SFRP1: variants seen among roughly 807,000 people sequenced by gnomAD.
SFRP1 encodes secreted frizzled related protein 1, also known as secreted frizzled-related protein 1.
In SFRP1, 9 loss-of-function variants were observed where a neutral mutation model predicts 25.9. The observed-to-expected ratio is 0.35, with a 90% CI of 0.21 to 0.61. The LOEUF is 0.61. Ranked by LOEUF, SFRP1 falls within the 20% of genes least tolerant of loss-of-function variation. The pLI, the probability that SFRP1 is intolerant of heterozygous loss-of-function variation, is 0.78. For synonymous variants in SFRP1, 178 were observed against 174.0 expected (o/e 1.02, Z -0.18); for missense variants, 346 against 418.2 (o/e 0.83, Z 1.51).
Position 41,261,970 on chromosome 8 carries a change from T to C in SFRP1, c.*3197A>G, listed in dbSNP as rs974942259. 1.3e-5 allele frequency: 2 copies of C among 152,224 alleles called. No homozygotes were observed. Among genetic ancestry groups the C allele is most frequent in the Admixed American group, 1.3e-4 (2 of 15,284 alleles). The allele number at this position is 152,224 out of a possible 1,614,324, so 9.4% of individuals were successfully genotyped here. A position where few individuals can be genotyped will look rare whatever the true frequency, so the allele number is the denominator to read the frequency against. ...CACAGCTCACAGTATCATTGATTAA[T>C]TGAGTGATTTTAGTCAAGTGAATAT... On this transcript the variant is annotated 3_prime_UTR_variant, in exon 3 of 3. Transcript: ENST00000220772.
intron 2 of SFRP1, among the ~76,000 whole-genome samples, chr8:41,299,587 G>GGTCAGGAGTT (rs1242257375): frequency 2.1e-4 from 27 of 130,786 alleles, no homozygotes; most frequent in South Asian, 2.5e-4. Flanking sequence ...GATCGCTTGA[G>GGTCAGGAGTT]CCCGGGGGGC....
At chr8:41,302,616 T>A (rs1010215714) in intron 2 of SFRP1, among the ~76,000 whole-genome samples, 2 of 152,188 alleles carry the variant, frequency 1.3e-5, no homozygotes, top group African/African-American at 4.8e-5. Flanking sequence ...CTTCTCTGCA[T>A]CCATGTCAGA....
intron 2 of SFRP1, among the ~76,000 whole-genome samples, chr8:41,280,063 G>A (rs1008493094): frequency 1.3e-5 from 2 of 152,202 alleles, no homozygotes; most frequent in African/African-American, 4.8e-5. Flanking sequence ...CGGGCACGAG[G>A]TCCAGTCTGA....
intron 2 of SFRP1, among the ~76,000 whole-genome samples, chr8:41,296,507 A>G (rs1486662867): frequency 4.3e-5 from 4 of 93,584 alleles, no homozygotes; most frequent in Non-Finnish European, 5.9e-5. Context: ...GTTCTTCTGG[A>G]AAAAAAAAAA....
At position 41,273,898 on chromosome 8, in the gene SFRP1, C is replaced by T. The variant is rs141650177; in HGVS notation, c.623-8409G>A. Among the ~76,000 whole-genome samples, 224 of 152,208 alleles carry T rather than the reference C, an allele frequency of 1.5e-3. 1 individual carries two copies. Among genetic ancestry groups the T allele is most frequent in the African/African-American group, 5.2e-3 (214 of 41,536 alleles). ...TGGGCTGGCACCACCCAATCAGCTG[C>T]GAGGGCAGTCAGAATAAAGCAAGGA... On this transcript the variant is annotated intron_variant, in intron 2 of 2. Coordinates refer to ENST00000220772, the MANE Select transcript of SFRP1 (RefSeq NM_003012.5).
At chr8:41,298,356 T>C (rs1248609061) in intron 2 of SFRP1, 3 of 152,224 alleles carry the variant, frequency 2.0e-5, no homozygotes, top group Non-Finnish European at 4.4e-5. Context: ...GAAGACTAGA[T>C]TTGGAACATT....
At chr8:41,285,747 A>G (rs1424718778) in intron 2 of SFRP1, among the ~76,000 whole-genome samples, 1 of 152,124 alleles carries the variant, frequency 6.6e-6, no homozygotes, top group African/African-American at 2.4e-5. Flanking sequence ...CCTCCTCTGA[A>G]GAGCATTCTG....
At chr8:41,293,275 T>C (rs138274590) in intron 2 of SFRP1, among the ~76,000 whole-genome samples, 2 of 152,154 alleles carry the variant, frequency 1.3e-5, no homozygotes, top group Non-Finnish European at 2.9e-5. Context: ...TCGTCACCCT[T>C]TGAGCTGGGT....
rs1803411270 is a variant in SFRP1 at position 41,264,545 on chromosome 8, A to G, written c.*622T>C. The stretch of plus-strand genomic sequence containing the variant: ...GATTCAAAGACAATCACACGGAAAG[A>G]CTGTGGGCAGAGAAGGCAATGCCTC... On this transcript the variant is annotated 3_prime_UTR_variant, in exon 3 of 3. Transcript: ENST00000220772. 6.6e-6 allele frequency: 1 copy of G among 152,254 alleles called. No individual in the cohort carries two copies. The highest frequency in any genetic ancestry group is 2.4e-5 in the African/African-American group (1 of 41,438). 9.4% of individuals were successfully genotyped at this position (152,254 alleles called of 1,614,324 possible).
intron 2 of SFRP1, among the ~76,000 whole-genome samples, chr8:41,266,535 A>C (rs1803437786): frequency 6.6e-6 from 1 of 151,786 alleles, no homozygotes; most frequent in African/African-American, 2.4e-5. Context: ...TCCCGGGCTC[A>C]AGCAATTCTC....
chr8:41,292,085 C>T (rs186098776), intron 2 of SFRP1, among the ~76,000 whole-genome samples: 5 of 152,184 alleles, frequency 3.3e-5, no homozygotes, highest in South Asian at 2.1e-4. Context: ...ACACCCCAGG[C>T]AGAATTACAC....
At position 41,262,979 on chromosome 8, in the gene SFRP1, G is replaced by C. The variant is rs1029077872; in HGVS notation, c.*2188C>G. The C allele has an allele frequency of 6.6e-6, 1 of 152,254 alleles. No homozygotes were observed. The highest frequency in any genetic ancestry group is 2.4e-5 in the African/African-American group (1 of 41,456). The allele number at this position is 152,254 out of a possible 1,614,324, so 9.4% of individuals were successfully genotyped here. A position where few individuals can be genotyped will look rare whatever the true frequency, so the allele number is the denominator to read the frequency against. On this transcript the variant is annotated 3_prime_UTR_variant, in exon 3 of 3. Coordinates refer to ENST00000220772, the MANE Select transcript of SFRP1 (RefSeq NM_003012.5). ...TTTATTTTGAGCTCTTTCTGAAGCT[G>C]TTGCTTCCTACCTGAGAATTCCCAT... is the stretch of plus-strand genomic sequence containing the variant.
At chr8:41,285,560 T>TG (rs1803689168) in intron 2 of SFRP1, among the ~76,000 whole-genome samples, 2 of 152,228 alleles carry the variant, frequency 1.3e-5, no homozygotes, top group African/African-American at 4.8e-5. Context: ...TAAAAAGAAA[T>TG]GCGGCTGCAG....
chr8:41,305,525 G>A (rs2117522197), intron 1 of SFRP1, among the ~76,000 whole-genome samples: 1 of 152,338 alleles, frequency 6.6e-6, no homozygotes, highest in South Asian at 2.1e-4. Flanking sequence ...GAGAGAAAGA[G>A]AAATGTGTGA....
At chr8:41,295,529 C>A (rs1195147852) in intron 2 of SFRP1, among the ~76,000 whole-genome samples, 14 of 142,934 alleles carry the variant, frequency 9.8e-5, no homozygotes, top group East Asian at 2.1e-4. Flanking sequence ...GAGGCTGTCT[C>A]AAAAAAAAAA....
chr8:41,283,392 G>A (rs535038464), intron 2 of SFRP1, among the ~76,000 whole-genome samples: 12 of 152,094 alleles, frequency 7.9e-5, no homozygotes, highest in Admixed American at 2.6e-4. Flanking sequence ...GGAAACCCCC[G>A]TGAGACCATC....
At chr8:41,269,027 C>T (rs935368305) in intron 2 of SFRP1, among the ~76,000 whole-genome samples, 1 of 152,224 alleles carries the variant, frequency 6.6e-6, no homozygotes, top group Admixed American at 6.5e-5. Flanking sequence ...GGGCACCATC[C>T]GACTGCAGGC....
At chr8:41,277,636 G>A (rs1803587451) in intron 2 of SFRP1, among the ~76,000 whole-genome samples, 1 of 152,144 alleles carries the variant, frequency 6.6e-6, no homozygotes, top group African/African-American at 2.4e-5. Flanking sequence ...TATTTTTAGA[G>A]ACCAGGTCTC....
intron 2 of SFRP1, among the ~76,000 whole-genome samples, chr8:41,282,347 C>A (rs1201903637): frequency 6.6e-6 from 1 of 152,174 alleles, no homozygotes; most frequent in Non-Finnish European, 1.5e-5. Flanking sequence ...AAGACTCCAG[C>A]TCTACATTTT....
Sources: gnomAD v4.1 joint callset for allele counts (sites outside exome capture counted in the v4.1 genomes callset) on GRCh38, gnomAD v4.1.1 for gene constraint, MANE v1.5 for transcripts, NCBI Gene and HGNC (gene_info 2026-07-23, HGNC 2026-07-21) for gene names.